DMXL2: variants seen among roughly 807,000 people sequenced by gnomAD.
DMXL2 encodes the protein dmX-like protein 2.
In DMXL2, 103 loss-of-function variants were observed where a neutral mutation model predicts 331.1. The observed-to-expected ratio is 0.31, with a 90% CI of 0.27 to 0.37. DMXL2 has a LOEUF of 0.37. Among genes scored for constraint, DMXL2 ranks in the 10% least tolerant of loss-of-function variants. The pLI, the probability that DMXL2 is intolerant of heterozygous loss-of-function variation, is 1.00. For synonymous variants in DMXL2, 1,281 were observed against 1,252.1 expected, an observed-to-expected ratio of 1.02 and a Z score of -0.49; for missense variants, 3,171 against 3,642.9, an observed-to-expected ratio of 0.87 and a Z score of 3.33.
chr15:51,606,099 TC>T (rs1487905396), intron 1 of DMXL2, among the ~76,000 whole-genome samples: 5 of 152,188 alleles, frequency 3.3e-5, no homozygotes, highest in African/African-American at 1.2e-4. Context: ...AAGATGGGAC[TC>T]CAATAAACTA....
intron 1 of DMXL2, among the ~76,000 whole-genome samples, chr15:51,617,250 T>C (rs1252082485): frequency 6.6e-6 from 1 of 152,126 alleles, no homozygotes; most frequent in East Asian, 1.9e-4. Context: ...GAAACTAAAA[T>C]AAAGGCATTG....
At chr15:51,572,238 G>A (rs7173416) in intron 2 of DMXL2, among the ~76,000 whole-genome samples, 13,362 of 81,336 alleles carry the variant, frequency 0.16, 1,476 homozygotes, top group Non-Finnish European at 0.2. Context: ...AAACCAGGAA[G>A]AAGTTGAATC....
chr15:51,608,335 G>C (rs1172068295), intron 1 of DMXL2, among the ~76,000 whole-genome samples: 2 of 152,146 alleles, frequency 1.3e-5, no homozygotes, highest in South Asian at 2.1e-4. Flanking sequence ...CAATTGCAAA[G>C]ACAGGGAATC....
At chr15:51,468,904 C>A (rs1208658847) in intron 29 of DMXL2, among the ~76,000 whole-genome samples, 1 of 151,668 alleles carries the variant, frequency 6.6e-6, no homozygotes, top group East Asian at 1.9e-4. Flanking sequence ...TTGAAAAATT[C>A]TAAAGGTCAA....
rs1374093763 is a variant in DMXL2 at position 51,499,348 on chromosome 15, C to G, written c.3876G>C (p.Glu1292Asp). 6.2e-7 allele frequency: 1 copy of G among 1,613,948 alleles called. No individual in the cohort carries two copies. The highest frequency in any genetic ancestry group is 8.5e-7 in the Non-Finnish European group (1 of 1,179,984). The change falls in exon 18 of 44, where the codon GAG becomes GAC. Residue 1292 changes from glutamate (E) to aspartate (D), a missense_variant. Transcript: ENST00000560891. ...AGGTCGAATGATCTTGCATTGCTGC[C>G]TCTTCTGCATTAGAACTATCAGCTT... Reference protein sequence around the residue: ...DTEADSSNAEEAAMQDHSTFK... With the variant: ...DTEADSSNAEDAAMQDHSTFK...
chr15:51,487,518 C>T (rs969138566), intron 22 of DMXL2, among the ~76,000 whole-genome samples: 2 of 152,060 alleles, frequency 1.3e-5, no homozygotes, highest in African/African-American at 2.4e-5. Flanking sequence ...AGTGTAGTGG[C>T]ACAATCTCAC....
At chr15:51,464,606 T>C in intron 32 of DMXL2, 69 bp downstream of exon 32, 1 of 1,351,616 alleles carries the variant, frequency 7.4e-7, no homozygotes, top group Admixed American at 1.8e-5. Flanking sequence ...TATATTGGCA[T>C]ATTTAGCCAA....
chr15:51,506,275 C>A (rs932358687), intron 16 of DMXL2, among the ~76,000 whole-genome samples: 1 of 152,044 alleles, frequency 6.6e-6, no homozygotes, highest in Non-Finnish European at 1.5e-5. Context: ...ATTGCCCAGG[C>A]TGATCTCGAA....
chr15:51,548,318 A>T (rs558284956), intron 6 of DMXL2, among the ~76,000 whole-genome samples: 6 of 152,256 alleles, frequency 3.9e-5, no homozygotes, highest in African/African-American at 1.4e-4. Flanking sequence ...TTTCATTTGG[A>T]CTAGACAAAC....
chr15:51,574,274 G>C (rs2050866448), intron 2 of DMXL2, among the ~76,000 whole-genome samples: 1 of 152,064 alleles, frequency 6.6e-6, no homozygotes, highest in African/African-American at 2.4e-5. Flanking sequence ...AACTACCACA[G>C]CCTGTTTTCC....
intron 1 of DMXL2, among the ~76,000 whole-genome samples, chr15:51,596,508 T>C (rs2052818545): frequency 6.6e-6 from 1 of 152,240 alleles, no homozygotes; most frequent in Admixed American, 6.5e-5. Flanking sequence ...TGGAAGTCAG[T>C]GTGGCAATTC....
chr15:51,564,536 A>C (rs1567124145), intron 4 of DMXL2, among the ~76,000 whole-genome samples: 1 of 152,118 alleles, frequency 6.6e-6, no homozygotes. Context: ...ACTAACAACA[A>C]ATGTATTAAT....
intron 20 of DMXL2, 41 bp downstream of exon 20, chr15:51,491,537 G>T: frequency 6.4e-7 from 1 of 1,550,652 alleles, no homozygotes. Context: ...TTAGGAAAAG[G>T]TTTTTTTAAT....
intron 13 of DMXL2, among the ~76,000 whole-genome samples, chr15:51,523,033 A>T (rs968005226): frequency 1.3e-5 from 2 of 152,200 alleles, no homozygotes; most frequent in Admixed American, 1.3e-4. Context: ...CTACCTACAG[A>T]ACAATATTTA....
At chr15:51,528,629 AAT>A (rs1371139083) in intron 13 of DMXL2, among the ~76,000 whole-genome samples, 2 of 152,174 alleles carry the variant, frequency 1.3e-5, no homozygotes, top group East Asian at 3.9e-4. Flanking sequence ...ATATCAAGCA[AAT>A]ATTAGAGTTA....
At chr15:51,564,480 T>C (rs917785221) in intron 4 of DMXL2, among the ~76,000 whole-genome samples, 3 of 151,980 alleles carry the variant, frequency 2.0e-5, no homozygotes, top group Non-Finnish European at 2.9e-5. Flanking sequence ...AACAACAAAG[T>C]AAAGCTTACT....
chr15:51,554,070 T>C (rs1298833238), intron 6 of DMXL2, among the ~76,000 whole-genome samples: 2 of 152,162 alleles, frequency 1.3e-5, no homozygotes, highest in African/African-American at 4.8e-5. Flanking sequence ...AAGGAGGCAA[T>C]AGGAAAACAT....
intron 13 of DMXL2, among the ~76,000 whole-genome samples, chr15:51,524,213 G>A (rs962009989): frequency 6.6e-6 from 1 of 152,190 alleles, no homozygotes; most frequent in African/African-American, 2.4e-5. Context: ...CTAAGTAATC[G>A]AGGGTCGAAG....
chr15:51,453,435 G>GTTT, intron 41 of DMXL2, 115 bp downstream of exon 41: 16 of 587,238 alleles, frequency 2.7e-5, no homozygotes, highest in South Asian at 7.6e-5. Flanking sequence ...ATGTAACAAA[G>GTTT]TTTTTTTTTT....
Sources: allele counts gnomAD v4.1 joint callset (sites outside exome capture counted in the v4.1 genomes callset), GRCh38; gene constraint gnomAD v4.1.1; transcripts MANE v1.5; gene names NCBI Gene and HGNC (gene_info 2026-07-23, HGNC 2026-07-21).